CDH12: variants seen among roughly 807,000 people sequenced by gnomAD.
The protein encoded by CDH12 is cadherin 12.
Under a neutral mutation model 74.1 loss-of-function variants are expected in CDH12, and 41 were observed. That is an observed-to-expected ratio of 0.55 (90% CI 0.43 to 0.72). The LOEUF is 0.72. Ranked by LOEUF, CDH12 falls within the 30% of genes least tolerant of loss-of-function variation. CDH12 has a pLI of 0.00. For synonymous variants in CDH12, 399 were observed against 355.0 expected (o/e 1.12, Z -1.39); for missense variants, 945 against 977.2 (o/e 0.97, Z 0.44).
intron 7 of CDH12, among the ~76,000 whole-genome samples, chr5:21,854,343 C>T (rs1750638072): frequency 6.6e-6 from 1 of 151,530 alleles, no homozygotes; most frequent in Non-Finnish European, 1.5e-5. Flanking sequence ...CTGAACCCAT[C>T]CAATAAATAT....
chr5:22,261,808 A>G (rs954231905), intron 3 of CDH12, among the ~76,000 whole-genome samples: 8 of 150,284 alleles, frequency 5.3e-5, no homozygotes, highest in East Asian at 3.9e-4. Context: ...AAAAAAATAC[A>G]TGGCTTTTCT....
At chr5:22,125,813 T>C (rs1745822742) in intron 4 of CDH12, among the ~76,000 whole-genome samples, 1 of 152,204 alleles carries the variant, frequency 6.6e-6, no homozygotes, top group Non-Finnish European at 1.5e-5. Flanking sequence ...TTCTTCTTAC[T>C]TTCTGCCAAA....
chr5:22,590,487 T>C (rs1740645783), intron 1 of CDH12, among the ~76,000 whole-genome samples: 1 of 152,204 alleles, frequency 6.6e-6, no homozygotes, highest in South Asian at 2.1e-4. Flanking sequence ...AAACTGATTA[T>C]ACAGTTGAAA....
At chr5:22,128,508 T>C (rs942863289) in intron 4 of CDH12, among the ~76,000 whole-genome samples, 1 of 152,174 alleles carries the variant, frequency 6.6e-6, no homozygotes, top group Admixed American at 6.5e-5. Context: ...TTCTTCTATT[T>C]CACACAAATG....
chr5:22,419,349 C>T (rs1218774460), intron 2 of CDH12, among the ~76,000 whole-genome samples: 1 of 152,096 alleles, frequency 6.6e-6, no homozygotes, highest in Non-Finnish European at 1.5e-5. Flanking sequence ...GTTCCCCTCC[C>T]TGTGTCCATG....
At chr5:22,232,818 A>G (rs1281818587) in intron 3 of CDH12, among the ~76,000 whole-genome samples, 1 of 148,916 alleles carries the variant, frequency 6.7e-6, no homozygotes, top group Non-Finnish European at 1.5e-5. Context: ...TCTTTGTCCC[A>G]AGTTGCTAAA....
chr5:22,722,930 G>A (rs1253416483), intron 1 of CDH12, among the ~76,000 whole-genome samples: 2 of 152,106 alleles, frequency 1.3e-5, no homozygotes, highest in Non-Finnish European at 2.9e-5. Flanking sequence ...CATCATTGAG[G>A]CACAGAATTT....
chr5:22,466,393 AG>A (rs1745729729), intron 2 of CDH12, among the ~76,000 whole-genome samples: 1 of 152,204 alleles, frequency 6.6e-6, no homozygotes, highest in South Asian at 2.1e-4. Context: ...TGGGATGTAC[AG>A]ACCAAAGCTT....
intron 5 of CDH12, among the ~76,000 whole-genome samples, chr5:22,028,917 T>C (rs1282710251): frequency 2.0e-5 from 3 of 152,038 alleles, no homozygotes; most frequent in Non-Finnish European, 4.4e-5. Context: ...AACAGAGATA[T>C]AGATCAATGG....
chr5:22,350,458 C>T (rs995539606), intron 3 of CDH12, among the ~76,000 whole-genome samples: 2 of 152,084 alleles, frequency 1.3e-5, no homozygotes, highest in African/African-American at 4.8e-5. Context: ...TTGAAGGAAA[C>T]CAGTAAGTGT....
chr5:21,826,751 C>G (rs957631189), intron 8 of CDH12, among the ~76,000 whole-genome samples: 4 of 152,100 alleles, frequency 2.6e-5, no homozygotes, highest in Admixed American at 2.6e-4. Flanking sequence ...CACTTAGTAA[C>G]AGCAACCACT....
At chr5:21,924,881 A>G (rs1754519922) in intron 6 of CDH12, among the ~76,000 whole-genome samples, 3 of 152,178 alleles carry the variant, frequency 2.0e-5, no homozygotes, top group African/African-American at 7.2e-5. Context: ...AGAAATAACT[A>G]TATTATTTGA....
intron 1 of CDH12, among the ~76,000 whole-genome samples, chr5:22,849,295 C>G (rs1737445444): frequency 6.6e-6 from 1 of 152,144 alleles, no homozygotes; most frequent in African/African-American, 2.4e-5. Context: ...AAACAATTGT[C>G]TGACTCAAGT....
intron 1 of CDH12, among the ~76,000 whole-genome samples, chr5:22,817,095 A>G (rs1222464868): frequency 1.3e-5 from 2 of 152,104 alleles, no homozygotes; most frequent in African/African-American, 4.8e-5. Context: ...CGAAAATGCT[A>G]TTACTAGTCG....
At chr5:21,816,872 A>C (rs941476390) in intron 9 of CDH12, 73 bp downstream of exon 9, 12 of 1,065,126 alleles carry the variant, frequency 1.1e-5, no homozygotes, top group Non-Finnish European at 1.6e-5. Context: ...ATTACTTGTC[A>C]TTTTCAATAT....
At chr5:22,702,160 G>A (rs1296448565) in intron 1 of CDH12, among the ~76,000 whole-genome samples, 1 of 152,028 alleles carries the variant, frequency 6.6e-6, no homozygotes, top group African/African-American at 2.4e-5. Context: ...ATGAGGCCAG[G>A]GGTTGCCTTA....
At chr5:21,858,106 G>T (rs956931185) in intron 6 of CDH12, among the ~76,000 whole-genome samples, 5 of 151,618 alleles carry the variant, frequency 3.3e-5, no homozygotes, top group Admixed American at 2.6e-4. Flanking sequence ...CCACCTGAAA[G>T]GGTCTATCTC....
At chr5:22,064,724 GAA>G (rs1207433604) in intron 5 of CDH12, among the ~76,000 whole-genome samples, 1 of 152,182 alleles carries the variant, frequency 6.6e-6, no homozygotes, top group African/African-American at 2.4e-5. Context: ...TAACATTACT[GAA>G]AAAAGTGAAG....
Position 22,545,340 on chromosome 5 carries a change from T to C in CDH12, c.-522-39976A>G, listed in dbSNP as rs570511905. On this transcript the variant is annotated intron_variant, in intron 1 of 14. Coordinates refer to ENST00000382254, the MANE Select transcript of CDH12 (RefSeq NM_004061.5). Reference sequence around the variant, plus strand: ...AGCATTTAAATGAGGTAAAATTCTCTTTAGCTCCAGCAATGGCAAGTCATG... The same window carrying C: ...AGCATTTAAATGAGGTAAAATTCTCCTTAGCTCCAGCAATGGCAAGTCATG... Among the ~76,000 whole-genome samples, 128 of 152,302 alleles carry C rather than the reference T, an allele frequency of 8.4e-4. 1 individual carries two copies. The South Asian group carries it at 0.025, about 30-fold the overall frequency.
Sources: allele counts gnomAD v4.1 joint callset (sites outside exome capture counted in the v4.1 genomes callset), GRCh38; gene constraint gnomAD v4.1.1; transcripts MANE v1.5; gene names NCBI Gene and HGNC (gene_info 2026-07-23, HGNC 2026-07-21).